Variants in CLMP observed in about 807,000 individuals in gnomAD.
The protein encoded by CLMP is CXADR-like membrane protein.
CLMP carries 27 observed loss-of-function variants against 45.2 expected under a neutral mutation model. That is an observed-to-expected ratio of 0.60 (90% CI 0.44 to 0.82). The LOEUF is 0.82. Among genes scored for constraint, CLMP ranks in the 40% least tolerant of loss-of-function variants. The pLI is 0.00. For missense variants in CLMP, 403 were observed against 448.4 expected, an observed-to-expected ratio of 0.90 and a Z score of 0.91; for synonymous variants, 167 against 171.4, an observed-to-expected ratio of 0.97 and a Z score of 0.20.
At chr11:123,137,591 T>G (rs545413800) in intron 1 of CLMP, among the ~76,000 whole-genome samples, 1 of 152,056 alleles carries the variant, frequency 6.6e-6, no homozygotes, top group African/African-American at 2.4e-5. Flanking sequence ...TCCCCAGAGA[T>G]GAGAGCTCCC....
chr11:123,102,518 A>T (rs922713369), intron 1 of CLMP, among the ~76,000 whole-genome samples: 3 of 150,676 alleles, frequency 2.0e-5, no homozygotes, highest in Non-Finnish European at 4.4e-5. Context: ...TGACCTCGTG[A>T]TCCGCCCACC....
At chr11:123,111,100 C>T (rs1239241224) in intron 1 of CLMP, among the ~76,000 whole-genome samples, 3 of 151,768 alleles carry the variant, frequency 2.0e-5, no homozygotes, top group Non-Finnish European at 4.4e-5. Context: ...TGTATTTTGT[C>T]ACCATCAGTG....
intron 1 of CLMP, among the ~76,000 whole-genome samples, chr11:123,109,084 A>G (rs964132755): frequency 1.3e-5 from 2 of 151,500 alleles, no homozygotes; most frequent in African/African-American, 2.4e-5. Context: ...AAAAAAAGAA[A>G]GAAAGAAAAA....
chr11:123,118,302 C>G (rs571846049), intron 1 of CLMP, among the ~76,000 whole-genome samples: 2 of 151,978 alleles, frequency 1.3e-5, no homozygotes, highest in East Asian at 3.9e-4. Flanking sequence ...GCTAATTTTT[C>G]TTTTGTATTT....
Position 123,118,989 on chromosome 11 carries a change from CTTTCTT to C in CLMP, c.29-21043_29-21038del, listed in dbSNP as rs1565387876. On this transcript the variant is annotated intron_variant, in intron 1 of 6. Transcript: ENST00000448775. Reference sequence around the variant, plus strand: ...TCTTTCTTTCTTTCTTTCTTTCTTTCTTTCTTTCTTTCTCTCTCTCTCTCTCTCTCT... The same window carrying C: ...TCTTTCTTTCTTTCTTTCTTTCTTTCTCTTTCTCTCTCTCTCTCTCTCTCT... Among the ~76,000 whole-genome samples the C allele has an allele frequency of 6.7e-4, 30 of 45,024 alleles. 1 individual carries two copies. Among genetic ancestry groups the C allele is most frequent in the East Asian group, 1.2e-3 (2 of 1,604 alleles). The allele number at this position is 45,024 out of a possible 152,430, so 29.5% of individuals were successfully genotyped here.
At chr11:123,097,145 C>T (rs559111005) in intron 2 of CLMP, among the ~76,000 whole-genome samples, 3 of 151,974 alleles carry the variant, frequency 2.0e-5, no homozygotes, top group East Asian at 2.0e-4. Flanking sequence ...AGTCACTGCA[C>T]CCGGCCTGAC....
chr11:123,169,927 C>A (rs1267430114), intron 1 of CLMP, among the ~76,000 whole-genome samples: 1 of 152,114 alleles, frequency 6.6e-6, no homozygotes, highest in African/African-American at 2.4e-5. Context: ...GACCTGCAAT[C>A]AATAGAAGTG....
At chr11:123,190,329 G>C (rs1451288255) in intron 1 of CLMP, among the ~76,000 whole-genome samples, 3 of 152,090 alleles carry the variant, frequency 2.0e-5, no homozygotes, top group Non-Finnish European at 2.9e-5. Context: ...TGAGTGAACA[G>C]TGCCTGAAAA....
rs577355743 is a variant in CLMP, at chr11:123,129,572, TA to T, written c.29-31621del. On this transcript the variant is annotated intron_variant, in intron 1 of 6. Coordinates refer to ENST00000448775, the MANE Select transcript of CLMP (RefSeq NM_024769.5). ...AATAATTGAATATATTATATAATTA[TA>T]TAATATATATTGTAATTATATAGTA... Among the ~76,000 whole-genome samples the T allele has an allele frequency of 4.4e-3, 620 of 140,458 alleles. 2 individuals carry two copies. Among genetic ancestry groups the T allele is most frequent in the African/African-American group, 0.015 (583 of 38,072 alleles). 92.1% of individuals were successfully genotyped at this position (140,458 alleles called of 152,430 possible).
intron 1 of CLMP, among the ~76,000 whole-genome samples, chr11:123,132,561 T>A (rs1362700703): frequency 6.6e-6 from 1 of 151,964 alleles, no homozygotes; most frequent in African/African-American, 2.4e-5. Flanking sequence ...TGGGTTCAAG[T>A]GATTCTCCTG....
chr11:123,188,315 C>A (rs1318090394), intron 1 of CLMP, among the ~76,000 whole-genome samples: 1 of 152,154 alleles, frequency 6.6e-6, no homozygotes, highest in South Asian at 2.1e-4. Context: ...CTGCTCCCGC[C>A]ATCCGTGAAA....
At chr11:123,185,596 G>A (rs954630083) in intron 1 of CLMP, among the ~76,000 whole-genome samples, 1 of 152,190 alleles carries the variant, frequency 6.6e-6, no homozygotes, top group Non-Finnish European at 1.5e-5. Context: ...GGCGGGAGCC[G>A]GCTGCCCTTC....
At chr11:123,078,307 CAAT>C (rs1555077462) in intron 5 of CLMP, among the ~76,000 whole-genome samples, 1 of 152,008 alleles carries the variant, frequency 6.6e-6, no homozygotes, top group Non-Finnish European at 1.5e-5. Flanking sequence ...TAAGCAACAA[CAAT>C]GATGAGTCTC....
intron 1 of CLMP, among the ~76,000 whole-genome samples, chr11:123,105,079 C>A (rs1332496480): frequency 6.6e-6 from 1 of 152,234 alleles, no homozygotes; most frequent in African/African-American, 2.4e-5. Context: ...CTTTTGCATG[C>A]ACCTCAGGCA....
intron 1 of CLMP, among the ~76,000 whole-genome samples, chr11:123,184,495 T>C (rs929072940): frequency 9.9e-5 from 15 of 152,132 alleles, no homozygotes; most frequent in African/African-American, 3.6e-4. Flanking sequence ...GCAAGGTTAG[T>C]GATGAACAGG....
At chr11:123,075,604 G>A (rs1157969551) in intron 5 of CLMP, among the ~76,000 whole-genome samples, 1 of 151,198 alleles carries the variant, frequency 6.6e-6, no homozygotes, top group Admixed American at 6.6e-5. Flanking sequence ...AGCCAGGATG[G>A]TCTTGACCTC....
At position 123,167,126 on chromosome 11, in the gene CLMP, G is replaced by A. The variant is rs760131571; in HGVS notation, c.28+27787C>T. On this transcript the variant is annotated intron_variant, in intron 1 of 6. Coordinates refer to ENST00000448775, the MANE Select transcript of CLMP (RefSeq NM_024769.5). ...TAGTAGGTATTTGATGAGTGATAGC[G>A]ATTACTATCAATAATCTTATAGATC... Among the ~76,000 whole-genome samples, 68 of 152,082 alleles carry A rather than the reference G, an allele frequency of 4.5e-4. 1 individual carries two copies. The highest frequency in any genetic ancestry group is 1.0e-3 in the Admixed American group (16 of 15,276).
At chr11:123,075,886 T>G (rs1865733022) in intron 5 of CLMP, among the ~76,000 whole-genome samples, 1 of 152,042 alleles carries the variant, frequency 6.6e-6, no homozygotes, top group Non-Finnish European at 1.5e-5. Context: ...TAAGAAAATT[T>G]TTTTGGCTGG....
At chr11:123,173,086 C>T (rs1387217699) in intron 1 of CLMP, among the ~76,000 whole-genome samples, 1 of 152,246 alleles carries the variant, frequency 6.6e-6, no homozygotes, top group South Asian at 2.1e-4. Flanking sequence ...TCAAGGTTAA[C>T]ATCCTCTTTT....
Sources: allele counts gnomAD v4.1 joint callset (sites outside exome capture counted in the v4.1 genomes callset), GRCh38; gene constraint gnomAD v4.1.1; transcripts MANE v1.5; gene names NCBI Gene and HGNC (gene_info 2026-07-23, HGNC 2026-07-21).